The following HSD17B12 variants were observed in gnomAD, a reference collection of about 807,000 sequenced individuals.
The protein encoded by HSD17B12 is hydroxysteroid 17-beta dehydrogenase 12, also known as very-long-chain 3-oxoacyl-CoA reductase.
A neutral mutation model predicts 39.3 loss-of-function variants in HSD17B12; 32 were observed. The observed-to-expected ratio is 0.81, with a 90% CI of 0.61 to 1.09. The LOEUF is 1.09. Among genes scored for constraint, HSD17B12 ranks in the 50% least tolerant of loss-of-function variants. HSD17B12 has a pLI of 0.00. For missense variants in HSD17B12, 342 were observed against 382.9 expected (o/e 0.89, Z 0.89); for synonymous variants, 150 against 146.7 (o/e 1.02, Z -0.16).
intron 1 of HSD17B12, among the ~76,000 whole-genome samples, chr11:43,691,547 C>T (rs1949862940): frequency 6.6e-6 from 1 of 152,188 alleles, no homozygotes; most frequent in Non-Finnish European, 1.5e-5. Context: ...ATACCTTCCT[C>T]TATGTTCTCC....
intron 6 of HSD17B12, chr11:43,830,738 A>G (rs1357982385): frequency 9.5e-6 from 3 of 317,412 alleles, no homozygotes; most frequent in Non-Finnish European, 1.7e-5. Context: ...AGGCAAGACT[A>G]ATTTTAGCCA....
At chr11:43,618,934 G>C in the HSD17B12 span, among the ~76,000 whole-genome samples, 1 of 151,506 alleles carries the variant, frequency 6.6e-6, no homozygotes. Context: ...AACGTCAATA[G>C]GGCTCAGACA....
At chr11:43,572,452 G>T in the HSD17B12 span, among the ~76,000 whole-genome samples, 2 of 152,184 alleles carry the variant, frequency 1.3e-5, no homozygotes, top group African/African-American at 4.8e-5. Flanking sequence ...AAGATCAGAG[G>T]TTGGAATCGA....
At chr11:43,608,107 G>A in the HSD17B12 span, among the ~76,000 whole-genome samples, 1 of 152,170 alleles carries the variant, frequency 6.6e-6, no homozygotes, top group Non-Finnish European at 1.5e-5. Flanking sequence ...GGTGGCTCAC[G>A]TCTGCAATCC....
chr11:43,605,156 G>A, the HSD17B12 span, among the ~76,000 whole-genome samples: 1 of 152,132 alleles, frequency 6.6e-6, no homozygotes, highest in Non-Finnish European at 1.5e-5. Flanking sequence ...GGGACTGGAA[G>A]GATAAAGAGC....
the HSD17B12 span, among the ~76,000 whole-genome samples, chr11:43,597,392 G>A: frequency 6.6e-6 from 1 of 152,188 alleles, no homozygotes; most frequent in East Asian, 1.9e-4. Flanking sequence ...GGATAAGGAG[G>A]AAAAGGAAGC....
rs143360444 is a variant in HSD17B12, at chr11:43,740,839, G to A, written c.161-10072G>A. ...CTTATTCCAGGCCACAATATGCTGG[G>A]TTAAAAATCAGTATTCTCCTGCAAA... On this transcript the variant is annotated intron_variant, in intron 1 of 10. Transcript: ENST00000278353. 3.8e-3 allele frequency among the ~76,000 whole-genome samples: 576 copies of A among 152,332 alleles called. 5 individuals carry two copies. Among genetic ancestry groups the A allele is most frequent in the Non-Finnish European group, 3.2e-3 (221 of 68,028 alleles).
chr11:43,695,782 C>A (rs532859253), intron 1 of HSD17B12, among the ~76,000 whole-genome samples: 3 of 151,950 alleles, frequency 2.0e-5, no homozygotes, highest in Admixed American at 6.6e-5. Flanking sequence ...TCTGGATGAC[C>A]TTTGTAGTAA....
At chr11:43,584,840 G>A in the HSD17B12 span, among the ~76,000 whole-genome samples, 1 of 152,192 alleles carries the variant, frequency 6.6e-6, no homozygotes, top group African/African-American at 2.4e-5. Context: ...CCATCACAGA[G>A]GTTACAAGGA....
At chr11:43,744,576 A>G (rs1950397102) in intron 1 of HSD17B12, among the ~76,000 whole-genome samples, 1 of 152,206 alleles carries the variant, frequency 6.6e-6, no homozygotes, top group African/African-American at 2.4e-5. Flanking sequence ...GTTGTCTTTT[A>G]AACTGTCATA....
chr11:43,651,173 A>G, the HSD17B12 span, among the ~76,000 whole-genome samples: 1 of 152,242 alleles, frequency 6.6e-6, no homozygotes, highest in Non-Finnish European at 1.5e-5. Flanking sequence ...ATGAATACCT[A>G]AAGGGCAAGG....
chr11:43,693,340 G>C (rs192283356), intron 1 of HSD17B12, among the ~76,000 whole-genome samples: 1 of 152,312 alleles, frequency 6.6e-6, no homozygotes, highest in African/African-American at 2.4e-5. Flanking sequence ...GATGCTGGCA[G>C]AACTGGACAT....
intron 9 of HSD17B12, among the ~76,000 whole-genome samples, chr11:43,849,428 A>G (rs1278791630): frequency 1.3e-5 from 2 of 152,176 alleles, no homozygotes; most frequent in Non-Finnish European, 2.9e-5. Flanking sequence ...TCTGATTTCA[A>G]ACTTCCACGT....
the HSD17B12 span, among the ~76,000 whole-genome samples, chr11:43,639,282 A>C: frequency 6.6e-6 from 1 of 152,234 alleles, no homozygotes; most frequent in Non-Finnish European, 1.5e-5. Context: ...CTAACAGCAC[A>C]GCCCGCCCAC....
chr11:43,754,853 C>G (rs1229598935), intron 3 of HSD17B12: 1 of 759,998 alleles, frequency 1.3e-6, no homozygotes. Flanking sequence ...CAGGGAAAAT[C>G]TTTTGAACTT....
the HSD17B12 span, among the ~76,000 whole-genome samples, chr11:43,601,500 C>CT: frequency 7.5e-3 from 1,060 of 141,460 alleles, 3 homozygotes; most frequent in Middle Eastern, 0.023. Context: ...AGTTAAAGAG[C>CT]TTTTTTTTTT....
At chr11:43,852,632 T>G (rs1160969801) in intron 9 of HSD17B12, 5 of 152,230 alleles carry the variant, frequency 3.3e-5, no homozygotes, top group Admixed American at 2.6e-4. Flanking sequence ...TGACCCATTG[T>G]GAGAGCCTCA....
chr11:43,563,851 T>C, the HSD17B12 span, among the ~76,000 whole-genome samples: 2 of 152,130 alleles, frequency 1.3e-5, no homozygotes, highest in African/African-American at 4.8e-5. Flanking sequence ...TTAGTCCCAG[T>C]GGTCATTAGT....
chr11:43,655,994 T>A, the HSD17B12 span, among the ~76,000 whole-genome samples: 1 of 152,230 alleles, frequency 6.6e-6, no homozygotes, highest in Non-Finnish European at 1.5e-5. Context: ...CAGCTCCTCC[T>A]TGTACCTCTG....
Sources: gnomAD v4.1 joint callset for allele counts (sites outside exome capture counted in the v4.1 genomes callset) on GRCh38, gnomAD v4.1.1 for gene constraint, MANE v1.5 for transcripts, NCBI Gene and HGNC (gene_info 2026-07-23, HGNC 2026-07-21) for gene names.